ARFIP1: variants seen among roughly 807,000 people sequenced by gnomAD.
ARFIP1 encodes the protein arfaptin-1.
ARFIP1 carries 24 observed loss-of-function variants against 42.5 expected under a neutral mutation model. The observed-to-expected ratio is 0.57, with a 90% CI of 0.41 to 0.80. ARFIP1 has a LOEUF of 0.80. Among genes scored for constraint, ARFIP1 ranks in the 30% least tolerant of loss-of-function variants. The probability of loss-of-function intolerance (pLI) is 0.00; values close to 1 mark genes in which losing one functional copy is unlikely to be tolerated. For synonymous variants in ARFIP1, 141 were observed against 153.7 expected, an observed-to-expected ratio of 0.92 and a Z score of 0.61; for missense variants, 354 against 434.0, an observed-to-expected ratio of 0.82 and a Z score of 1.64.
chr4:152,794,838 A>T (rs1731339200), intron 1 of ARFIP1, among the ~76,000 whole-genome samples: 1 of 152,054 alleles, frequency 6.6e-6, no homozygotes, highest in African/African-American at 2.4e-5. Flanking sequence ...TTTTTGATCT[A>T]GTACTATCAT....
Position 152,884,507 on chromosome 4 carries a change from A to G in ARFIP1, c.791+1627A>G, listed in dbSNP as rs540741165. ...TTCTAGTCCTTCTGATTGTTTTAAC[A>G]TGTATGGGTTTTAAAGATGGATATT... On this transcript the variant is annotated intron_variant, in intron 7 of 8. Coordinates refer to ENST00000353617, the MANE Select transcript of ARFIP1 (RefSeq NM_001025595.3). Among the ~76,000 whole-genome samples the G allele has an allele frequency of 2.8e-3, 420 of 151,938 alleles. 3 individuals carry two copies. Among genetic ancestry groups the G allele is most frequent in the African/African-American group, 9.9e-3 (409 of 41,472 alleles).
intron 1 of ARFIP1, among the ~76,000 whole-genome samples, chr4:152,803,462 G>A (rs1254938966): frequency 6.6e-6 from 1 of 152,034 alleles, no homozygotes; most frequent in East Asian, 1.9e-4. Flanking sequence ...AGCATCTCTG[G>A]CCTCTGCCTT....
intron 5 of ARFIP1, among the ~76,000 whole-genome samples, chr4:152,875,378 T>TAAAA (rs11302481): frequency 1.0e-4 from 10 of 100,150 alleles, no homozygotes; most frequent in African/African-American, 1.7e-4. Context: ...TCTTTTTTTA[T>TAAAA]AAAAAAAAAA....
At chr4:152,812,241 C>T (rs181575022) in intron 1 of ARFIP1, among the ~76,000 whole-genome samples, 149 of 152,314 alleles carry the variant, frequency 9.8e-4, no homozygotes, top group African/African-American at 3.2e-3. Flanking sequence ...GTCAGCCAGG[C>T]GGGAGTGCAG....
At chr4:152,830,902 A>G (rs1310460210) in intron 2 of ARFIP1, among the ~76,000 whole-genome samples, 2 of 152,132 alleles carry the variant, frequency 1.3e-5, no homozygotes, top group Admixed American at 1.3e-4. Context: ...AATTTCATTT[A>G]TTTTTGCATT....
intron 2 of ARFIP1, among the ~76,000 whole-genome samples, chr4:152,834,579 C>G (rs1731502094): frequency 6.6e-6 from 1 of 152,236 alleles, no homozygotes; most frequent in Non-Finnish European, 1.5e-5. Flanking sequence ...TCTTAAAGTT[C>G]CAAAACCATC....
intron 5 of ARFIP1, among the ~76,000 whole-genome samples, chr4:152,877,469 G>A (rs1437758054): frequency 6.6e-6 from 1 of 152,160 alleles, no homozygotes. Flanking sequence ...TTGTATCTAG[G>A]AAGTAACTAG....
At chr4:152,826,936 A>G (rs1414729747) in intron 1 of ARFIP1, among the ~76,000 whole-genome samples, 6 of 152,246 alleles carry the variant, frequency 3.9e-5, no homozygotes, top group Non-Finnish European at 8.8e-5. Flanking sequence ...TCACGAAAAG[A>G]TAAATACTGT....
At chr4:152,791,816 G>GT (rs1193841886) in intron 1 of ARFIP1, among the ~76,000 whole-genome samples, 3 of 152,000 alleles carry the variant, frequency 2.0e-5, no homozygotes, top group Non-Finnish European at 1.5e-5. Flanking sequence ...GAAAGAATAT[G>GT]TTTTTCCTTT....
At chr4:152,887,998 G>T in intron 7 of ARFIP1, 135 bp from the exon 8 acceptor site, 2 of 527,878 alleles carry the variant, frequency 3.8e-6, no homozygotes, top group Non-Finnish European at 3.0e-6. Context: ...TTTCAAAAGC[G>T]TCAAGTAGAA....
chr4:152,876,124 C>CAGGAAT (rs1166135614), intron 5 of ARFIP1, among the ~76,000 whole-genome samples: 1 of 152,016 alleles, frequency 6.6e-6, no homozygotes, highest in Non-Finnish European at 1.5e-5. Context: ...AAATTGGTAC[C>CAGGAAT]AGGAATGGGT....
At chr4:152,855,751 G>T (rs1405097223) in intron 2 of ARFIP1, among the ~76,000 whole-genome samples, 2 of 152,180 alleles carry the variant, frequency 1.3e-5, no homozygotes, top group Admixed American at 1.3e-4. Flanking sequence ...TTTGTTTCAG[G>T]GCCCATGAGG....
intron 7 of ARFIP1, among the ~76,000 whole-genome samples, chr4:152,884,971 AAAC>A (rs937539520): frequency 1.3e-5 from 2 of 152,210 alleles, no homozygotes; most frequent in East Asian, 1.9e-4. Context: ...GTACTTTAAA[AAAC>A]AACAACAGTA....
At chr4:152,856,813 CA>C (rs1295994624) in intron 2 of ARFIP1, among the ~76,000 whole-genome samples, 4 of 152,294 alleles carry the variant, frequency 2.6e-5, no homozygotes, top group African/African-American at 9.6e-5. Context: ...AAGACTTAAG[CA>C]AGGCAACATT....
intron 1 of ARFIP1, among the ~76,000 whole-genome samples, chr4:152,802,211 A>G (rs1269061622): frequency 2.6e-5 from 4 of 152,170 alleles, no homozygotes; most frequent in Admixed American, 2.6e-4. Flanking sequence ...GTTTTTTGGT[A>G]TTGGAACAAA....
chr4:152,872,710 G>A, intron 5 of ARFIP1, 146 bp downstream of exon 5: 1 of 507,178 alleles, frequency 2.0e-6, no homozygotes, highest in Non-Finnish European at 3.4e-6. Context: ...TGAAAATGAA[G>A]TATTTGTTTT....
At position 152,882,644 on chromosome 4, in the gene ARFIP1, A is replaced by G. The variant is rs566020972; in HGVS notation, c.634-79A>G. On this transcript the variant is annotated intron_variant, in intron 6 of 8. Coordinates refer to ENST00000353617, the MANE Select transcript of ARFIP1 (RefSeq NM_001025595.3). ...CTCTATCTAAATCACATATTTTCCCATTAGTGACGTGCTTGAGATTTTTAA... is the reference window on the plus strand; with the variant it reads ...CTCTATCTAAATCACATATTTTCCCGTTAGTGACGTGCTTGAGATTTTTAA... 792 of 1,351,350 alleles carry G rather than the reference A, an allele frequency of 5.9e-4. 3 individuals carry two copies. Among genetic ancestry groups the G allele is most frequent in the Non-Finnish European group, 7.3e-4 (708 of 969,032 alleles). 83.7% of individuals were successfully genotyped at this position (1,351,350 alleles called of 1,614,324 possible).
chr4:152,905,545 G>GTTTTTTGTTTT (rs1738254442), intron 8 of ARFIP1, among the ~76,000 whole-genome samples: 6 of 30,374 alleles, frequency 2.0e-4, no homozygotes, highest in African/African-American at 2.5e-4. Flanking sequence ...TGTAAGAATT[G>GTTTTTTGTTTT]TTTTTTTTTT....
chr4:152,781,242 T>C (rs1578783786), intron 1 of ARFIP1, among the ~76,000 whole-genome samples: 1 of 146,196 alleles, frequency 6.8e-6, no homozygotes, highest in Non-Finnish European at 1.5e-5. Context: ...TTCTTTTTTT[T>C]TTTTTTTTTT....
Sources: gnomAD v4.1 joint callset for allele counts (sites outside exome capture counted in the v4.1 genomes callset) on GRCh38, gnomAD v4.1.1 for gene constraint, MANE v1.5 for transcripts, NCBI Gene and HGNC (gene_info 2026-07-23, HGNC 2026-07-21) for gene names.